PRKDC: variants seen among roughly 807,000 people sequenced by gnomAD.
PRKDC encodes DNA-dependent protein kinase catalytic subunit.
A neutral mutation model predicts 486.9 loss-of-function variants in PRKDC; 82 were observed. The ratio of observed to expected loss-of-function variants is 0.17; its 90% CI spans 0.14 to 0.20. PRKDC has a LOEUF of 0.20. Among genes scored for constraint, PRKDC ranks in the 10% least tolerant of loss-of-function variants. PRKDC has a pLI of 1.00. For synonymous variants in PRKDC, 1,895 were observed against 1,837.0 expected, an observed-to-expected ratio of 1.03 and a Z score of -0.81; for missense variants, 4,504 against 5,038.2, an observed-to-expected ratio of 0.89 and a Z score of 3.21.
intron 76 of PRKDC, among the ~76,000 whole-genome samples, chr8:47,785,718 C>T (rs1230761674): frequency 4.1e-5 from 6 of 144,852 alleles, no homozygotes; most frequent in African/African-American, 7.7e-5. Context: ...CCTGGGTATC[C>T]GAGTGAGACC....
chr8:47,886,940 C>T (rs757258564), intron 35 of PRKDC, among the ~76,000 whole-genome samples: 1 of 152,136 alleles, frequency 6.6e-6, no homozygotes, highest in Non-Finnish European at 1.5e-5. Context: ...TCTGCCTACC[C>T]CAGTGTTGTT....
intron 29 of PRKDC, among the ~76,000 whole-genome samples, chr8:47,898,168 C>T (rs1272869909): frequency 1.3e-5 from 2 of 152,224 alleles, no homozygotes; most frequent in Non-Finnish European, 2.9e-5. Context: ...AAATCATCCA[C>T]ATCAAAACAT....
At chr8:47,902,884 AGTAT>A in intron 26 of PRKDC, 89 bp from the exon 27 acceptor site, 1 of 967,858 alleles carries the variant, frequency 1.0e-6, no homozygotes, top group South Asian at 2.9e-5. Flanking sequence ...GCATAACTAA[AGTAT>A]GTTAAAAATT....
At position 47,848,587 on chromosome 8, in the gene PRKDC, G is replaced by A. The variant is rs141582192; in HGVS notation, c.7280+567C>T. Among the ~76,000 whole-genome samples, 24 of 149,046 alleles carry A rather than the reference G, an allele frequency of 1.6e-4. No homozygotes were observed. The East Asian group carries it at 1.8e-3, about 11-fold the overall frequency. Reference sequence around the variant, plus strand: ...TCTGTACACCAAACCTCAGCATTACGCAATATACCTTCGTAACAAACCTGC... The same window carrying A: ...TCTGTACACCAAACCTCAGCATTACACAATATACCTTCGTAACAAACCTGC... On this transcript the variant is annotated intron_variant, in intron 54 of 85. Transcript: ENST00000314191.
intron 16 of PRKDC, among the ~76,000 whole-genome samples, chr8:47,932,675 A>G (rs1385734744): frequency 2.6e-5 from 4 of 152,242 alleles, no homozygotes; most frequent in Non-Finnish European, 5.9e-5. Flanking sequence ...TATAAACAAG[A>G]GCAACCCCAG....
chr8:47,913,134 T>C (rs773730318), intron 24 of PRKDC, among the ~76,000 whole-genome samples: 19 of 152,244 alleles, frequency 1.2e-4, no homozygotes, highest in Admixed American at 2.0e-4. Context: ...CAGAGTATAG[T>C]GTAAACATAA....
In PRKDC at chr8:47,933,042, A is replaced by C; in HGVS notation, c.1754T>G (p.Ile585Arg). ...AACCTCTTGTTCCCCAACAGTCTGT[A>C]TTTCAAGTGTAAGATCCAATTTCTC... is the stretch of plus-strand genomic sequence containing the variant. The part of the protein sequence containing the change: ...IVEKLDLTLE[I>R]QTVGEQENGD... Residue 585 changes from isoleucine to arginine, a missense_variant, in exon 16 of 86, where the codon ATA becomes AGA. Physicochemically the swap from Ile to Arg is moderately conservative, Grantham distance 97. Transcript: ENST00000314191. The C allele has an allele frequency of 6.3e-7, 1 of 1,597,912 alleles. No homozygotes were observed. The highest frequency in any genetic ancestry group is 8.5e-7 in the Non-Finnish European group (1 of 1,174,336).
At chr8:47,807,461 C>T (rs1175381773) in intron 68 of PRKDC, 135 bp from the exon 69 acceptor site, 2 of 724,626 alleles carry the variant, frequency 2.8e-6, no homozygotes, top group South Asian at 2.7e-5. Context: ...CTCTGTTGCC[C>T]AGGCTGGAGT....
chr8:47,803,422 C>T lies in PRKDC; in HGVS notation c.9806G>A (p.Arg3269Lys), dbSNP rs747646088. ...LKELHKESKT[R>K]DDWLVSWVQS... ...CACCCAGCTCACCAGCCAATCGTCT[C>T]TGGTTTTTGACTCTTTATGCAGCTC... Residue 3269 changes from arginine (R) to lysine (K), a missense_variant, in exon 70 of 86, where the codon AGA (arginine) becomes AAA (lysine). Arg to Lys is a conservative substitution (Grantham distance 26). This residue lies in a region of PRKDC where 1,592 missense variants were observed against 1,724.6 expected (regional missense o/e 0.92). Transcript: ENST00000314191. The T allele has an allele frequency of 1.4e-5, 22 of 1,613,992 alleles. No homozygotes were observed. In the East Asian group the frequency reaches 4.9e-4, roughly 36 times the overall value.
In PRKDC at chr8:47,857,072, G is replaced by C. The variant is rs1456777540; in HGVS notation, c.6609+84C>G. 4 of 1,388,956 alleles carry C rather than the reference G, an allele frequency of 2.9e-6. No homozygotes were observed. In the African/African-American group the frequency reaches 5.9e-5, roughly 20 times the overall value. 86.0% of individuals were successfully genotyped at this position (1,388,956 alleles called of 1,614,324 possible). A position where few individuals can be genotyped will look rare whatever the true frequency, so the allele number is the denominator to read the frequency against. On this transcript the variant is annotated intron_variant, in intron 49 of 85. Transcript: ENST00000314191. ...CTGAAAACCATAGCACAGTCAGTGA[G>C]AGGGACCTGAATTATGTGTCATAGG...
Position 47,782,338 on chromosome 8 carries a change from T to C in PRKDC, c.11396+40A>G, listed in dbSNP as rs2086710975. ...AAACAGTCCCGTGGACGCCAAGCAA[T>C]ATGCAGCAGCCTACTGGCTGGGAGC... On this transcript the variant is annotated intron_variant, in intron 79 of 85. Transcript: ENST00000314191. The surrounding 1 kb of genome is among the most constrained non-coding windows in gnomAD (Gnocchi z 4.9). 6.2e-7 allele frequency: 1 copy of C among 1,610,314 alleles called. No homozygotes were observed. The highest frequency in any genetic ancestry group is 1.3e-5 in the African/African-American group (1 of 74,880).
At position 47,773,462 on chromosome 8, in the gene PRKDC, G is replaced by A. The variant is rs969777861; in HGVS notation, c.*711C>T. 68 of 217,644 alleles carry A rather than the reference G, an allele frequency of 3.1e-4. No individual in the cohort carries two copies. Among genetic ancestry groups the A allele is most frequent in the Middle Eastern group, 1.4e-3 (1 of 702 alleles). 13.5% of individuals were successfully genotyped at this position (217,644 alleles called of 1,614,324 possible). A position where few individuals can be genotyped will look rare whatever the true frequency, so the allele number is the denominator to read the frequency against. On this transcript the variant is annotated 3_prime_UTR_variant, in exon 86 of 86. Coordinates refer to ENST00000314191, the MANE Select transcript of PRKDC (RefSeq NM_006904.7). ...GAAGTTATCCCAAATTCAATGCAAA[G>A]CACTTTTATGTATCTTCCAGTTGTA...
rs1248731322 is a variant in PRKDC at position 47,935,832 on chromosome 8, G to A, written c.1347C>T (p.Tyr449=). 1.2e-6 allele frequency: 2 copies of A among 1,613,860 alleles called. No individual in the cohort carries two copies. The highest frequency in any genetic ancestry group is 1.1e-5 in the South Asian group (1 of 91,084). The change falls in exon 13 of 86, where the codon TAC becomes TAT. Residue 449 remains tyrosine, a synonymous_variant. Transcript: ENST00000314191. ...VVMQIDSFPQ[Y]SPKMQLVCCR... is the part of the protein sequence containing the mutation. ...AACACACCAGCTGCATTTTTGGACT[G>A]TACTGTGGGAAACTGTCTATCTGCA... is the stretch of plus-strand genomic sequence containing the variant.
intron 1 of PRKDC, 22 bp downstream of exon 1, chr8:47,959,951 C>G (rs1185091578): frequency 1.3e-6 from 2 of 1,533,132 alleles, no homozygotes; most frequent in South Asian, 2.4e-5. Flanking sequence ...CCACCCGCGG[C>G]CCAGCTCGGG....
chr8:47,879,130 C>G (rs565368132), intron 39 of PRKDC, among the ~76,000 whole-genome samples: 1 of 152,276 alleles, frequency 6.6e-6, no homozygotes, highest in East Asian at 1.9e-4. Flanking sequence ...ATATATTTTA[C>G]ACATTCCATT....
At chr8:47,834,481 G>C (rs2087963033) in intron 58 of PRKDC, 85 bp from the exon 59 acceptor site, 1 of 1,434,274 alleles carries the variant, frequency 7.0e-7, no homozygotes, top group South Asian at 1.3e-5. Flanking sequence ...GACACACCTG[G>C]TGGCACCCTA....
At chr8:47,907,698 C>T (rs897278833) in intron 25 of PRKDC, among the ~76,000 whole-genome samples, 1 of 151,880 alleles carries the variant, frequency 6.6e-6, no homozygotes, top group Non-Finnish European at 1.5e-5. Flanking sequence ...CCACGCCCGG[C>T]TAATTTTTGT....
Position 47,854,133 on chromosome 8 carries a change from C to T in PRKDC, c.6843G>A (p.Met2281Ile). The change falls in exon 51 of 86, where the codon ATG becomes ATA. Residue 2281 changes from methionine (M) to isoleucine (I), a missense_variant. By Grantham distance (10) the Met-to-Ile change is conservative (BLOSUM62 1). Transcript: ENST00000314191. ...GGTCATAGGGAGGCAGGTCATTGGCCATCACGATGCCTAGCAATTGAATCC... is the reference window on the plus strand; with the variant it reads ...GGTCATAGGGAGGCAGGTCATTGGCTATCACGATGCCTAGCAATTGAATCC... ...SVGIQLLGIV[M>I]ANDLPPYDPQ... The T allele has an allele frequency of 6.2e-7, 1 of 1,613,908 alleles. No individual in the cohort carries two copies. The highest frequency in any genetic ancestry group is 2.2e-5 in the East Asian group (1 of 44,896).
Position 47,776,744 on chromosome 8 carries a change from CAG to C in PRKDC, c.12182+98_12182+99del, listed in dbSNP as rs55938750. 1.7e-4 allele frequency: 242 copies of C among 1,429,798 alleles called. 2 individuals carry two copies. The East Asian group carries it at 5.4e-3, about 32-fold the overall frequency. 88.6% of individuals were successfully genotyped at this position (1,429,798 alleles called of 1,614,324 possible). On this transcript the variant is annotated intron_variant, in intron 85 of 85. Coordinates refer to ENST00000314191, the MANE Select transcript of PRKDC (RefSeq NM_006904.7). ...AATGAAAGCAGAGAAGTCATGCTAA[CAG>C]AGTGTCAAGAGCTCAGCACTTTGTA...
Sources: gnomAD v4.1 joint callset for allele counts (sites outside exome capture counted in the v4.1 genomes callset) on GRCh38, gnomAD v4.1.1 for gene constraint, gnomAD v4.1.1 regional missense constraint, Gnocchi (gnomAD v3.1) non-coding constraint, MANE v1.5 for transcripts, NCBI Gene and HGNC (gene_info 2026-07-23, HGNC 2026-07-21) for gene names.